The following MSR1 variants were observed in gnomAD, a reference collection of about 807,000 sequenced individuals.
The protein encoded by MSR1 is macrophage scavenger receptor types I and II.
Under a neutral mutation model 47.2 loss-of-function variants are expected in MSR1, and 53 were observed. That is an observed-to-expected ratio of 1.12 (90% CI 0.90 to 1.41). MSR1 has a LOEUF of 1.41. Among genes scored for constraint, MSR1 ranks in the 40% most tolerant of loss-of-function variants. MSR1 has a pLI of 0.00. For missense variants in MSR1, 786 were observed against 546.9 expected (o/e 1.44, Z -4.36); for synonymous variants, 239 against 185.6 (o/e 1.29, Z -2.34).
In MSR1 at chr8:16,155,064, C is replaced by G. The variant is rs1413217346; in HGVS notation, c.898G>C (p.Gly300Arg). Residue 300 changes from glycine to arginine, a missense_variant and splice_region_variant, in exon 6 of 10, where the codon GGT (glycine) becomes CGT (arginine). Physicochemically the swap from Gly to Arg is moderately radical, Grantham distance 125. Transcript: ENST00000262101. ...SGPRGFPGPI[G>R]PPGLKGDRGA... The stretch of plus-strand genomic sequence containing the variant: ...GATTAAATAGCTAAAATTACCATAC[C>G]TATTGGACCTGGAAATCCTCGTGGA... 6.2e-7 allele frequency: 1 copy of G among 1,609,854 alleles called. No individual in the cohort carries two copies. Among genetic ancestry groups the G allele is most frequent in the African/African-American group, 1.3e-5 (1 of 74,736 alleles).
At chr8:16,132,521 C>A (rs4498542) in intron 8 of MSR1, among the ~76,000 whole-genome samples, 1 of 151,640 alleles carries the variant, frequency 6.6e-6, no homozygotes, top group East Asian at 1.9e-4. Flanking sequence ...AGAGTCTCAC[C>A]CTGTCACCCA....
At chr8:16,181,700 A>T (rs1451982536) in intron 1 of MSR1, among the ~76,000 whole-genome samples, 1 of 151,926 alleles carries the variant, frequency 6.6e-6, no homozygotes, top group African/African-American at 2.4e-5. Flanking sequence ...CCTAATGTAA[A>T]TGATGGGTTG....
chr8:16,119,313 C>T (rs959617726), intron 9 of MSR1, among the ~76,000 whole-genome samples: 3 of 151,802 alleles, frequency 2.0e-5, no homozygotes, highest in Non-Finnish European at 4.4e-5. Context: ...GCAACCTCCA[C>T]CTCCTGGGTC....
intron 2 of MSR1, among the ~76,000 whole-genome samples, chr8:16,176,925 G>A (rs1040836454): frequency 2.0e-5 from 3 of 152,232 alleles, no homozygotes; most frequent in African/African-American, 4.8e-5. Flanking sequence ...CATATATGAG[G>A]CTTTAACTTT....
intron 1 of MSR1, among the ~76,000 whole-genome samples, chr8:16,180,843 T>G (rs435599): frequency 0.22 from 33,322 of 152,000 alleles, 4,749 homozygotes; most frequent in East Asian, 0.53. Flanking sequence ...AGAGTTGGTT[T>G]TCATGAATGC....
Position 16,150,261 on chromosome 8 carries a change from G to T in MSR1, c.949C>A (p.Arg317=), listed in dbSNP as rs769087591. 6.4e-7 allele frequency: 1 copy of T among 1,558,736 alleles called. No individual in the cohort carries two copies. The highest frequency in any genetic ancestry group is 8.7e-7 in the Non-Finnish European group (1 of 1,149,324). ...DRGAIGFPGS[R]GLPGYAGRPG... is the part of the protein sequence containing the mutation. ...CTTCCGGCATATCCTGGGAGTCCTC[G>T]ACTTCCAGGAAAGCCAATTGCTCCC... is the stretch of plus-strand genomic sequence containing the variant. The change falls in exon 7 of 10, where the codon CGA becomes AGA. Residue 317 remains arginine, a synonymous_variant. Transcript: ENST00000262101.
intron 9 of MSR1, among the ~76,000 whole-genome samples, chr8:16,115,457 C>G (rs1048019982): frequency 6.6e-6 from 1 of 152,034 alleles, no homozygotes; most frequent in African/African-American, 2.4e-5. Flanking sequence ...CCATAAAAAC[C>G]TCGTTTGCCA....
At chr8:16,174,587 T>A (rs1475016400) in intron 3 of MSR1, among the ~76,000 whole-genome samples, 1 of 152,190 alleles carries the variant, frequency 6.6e-6, no homozygotes, top group Non-Finnish European at 1.5e-5. Flanking sequence ...ATATTTTTTC[T>A]TTGAGAAGAT....
chr8:16,171,518 C>T (rs1439589155), intron 3 of MSR1, among the ~76,000 whole-genome samples: 2 of 152,070 alleles, frequency 1.3e-5, no homozygotes, highest in African/African-American at 4.8e-5. Flanking sequence ...TATCTCATCA[C>T]ATTTATTAAA....
chr8:16,186,068 G>C (rs931221657), intron 1 of MSR1: 1 of 1,125,156 alleles, frequency 8.9e-7, no homozygotes, highest in East Asian at 2.6e-5. Flanking sequence ...CTGTGTGGTA[G>C]AAGCAGAAAT....
chr8:16,168,365 G>A (rs1049937731), intron 4 of MSR1, 93 bp downstream of exon 4: 6 of 1,288,970 alleles, frequency 4.7e-6, no homozygotes, highest in Non-Finnish European at 5.6e-6. Flanking sequence ...ATGAAACAGG[G>A]TTTGCAACTT....
intron 1 of MSR1, among the ~76,000 whole-genome samples, chr8:16,181,108 CA>C (rs1443813798): frequency 6.6e-6 from 1 of 151,776 alleles, no homozygotes; most frequent in African/African-American, 2.4e-5. Context: ...AACAAATGAA[CA>C]AAAAAACCAA....
chr8:16,146,167 C>G (rs1483818319), intron 7 of MSR1, among the ~76,000 whole-genome samples: 1 of 151,950 alleles, frequency 6.6e-6, no homozygotes, highest in Non-Finnish European at 1.5e-5. Flanking sequence ...CCTTTCCATC[C>G]CCCGTTTCTT....
At position 16,108,840 on chromosome 8, in the gene MSR1, T is replaced by A. The variant is rs1438790448; in HGVS notation, c.*1245A>T. 1 of 152,146 alleles carries A rather than the reference T, an allele frequency of 6.6e-6. No homozygotes were observed. The highest frequency in any genetic ancestry group is 2.4e-5 in the African/African-American group (1 of 41,446). 9.4% of individuals were successfully genotyped at this position (152,146 alleles called of 1,614,324 possible). A position where few individuals can be genotyped will look rare whatever the true frequency, so the allele number is the denominator to read the frequency against. On this transcript the variant is annotated 3_prime_UTR_variant, in exon 10 of 10. Transcript: ENST00000262101. ...TCAGAATATGAAAAAATGCTTAAGC[T>A]TATGCTTTCATTTGCCACTATTAAA...
chr8:16,189,527 A>ATT (rs1802118808), intron 1 of MSR1, among the ~76,000 whole-genome samples: 1 of 95,972 alleles, frequency 1.0e-5, no homozygotes, highest in African/African-American at 5.4e-5. Context: ...AAAAAATCAT[A>ATT]TTTTATATAT....
Position 16,168,829 on chromosome 8 carries a change from A to C in MSR1, c.259T>G (p.Ser87Ala). 6.2e-7 allele frequency: 1 copy of C among 1,613,808 alleles called. No individual in the cohort carries two copies. Among genetic ancestry groups the C allele is most frequent in the Non-Finnish European group, 8.5e-7 (1 of 1,179,982 alleles). Residue 87 changes from serine (S) to alanine (A), a missense_variant, in exon 4 of 10, where the codon TCA becomes GCA. Coordinates refer to ENST00000262101, the MANE Select transcript of MSR1 (RefSeq NM_138715.3). ...KWETKNCSVS[S>A]TNANDITQSL... ...TGAGTTATATCATTTGCATTAGTTG[A>C]ACTAACTGAGCAATTCTTCGTTTCC...
intron 7 of MSR1, among the ~76,000 whole-genome samples, chr8:16,147,343 G>C (rs564162872): frequency 1.3e-5 from 2 of 152,154 alleles, no homozygotes; most frequent in East Asian, 3.9e-4. Flanking sequence ...ACCCTTACGA[G>C]CAGTGTGTAC....
chr8:16,185,864 C>T lies in MSR1; in HGVS notation c.-5+6734G>A, dbSNP rs142824859. 8.5e-3 allele frequency among the ~76,000 whole-genome samples: 1,240 copies of T among 146,144 alleles called. 14 individuals carry two copies. The highest frequency in any genetic ancestry group is 0.03 in the African/African-American group (1,192 of 39,812). ...TTTTCAGGAAAAAAAAAAAAAAACA[C>T]CACACACATAAACTTGAAAAACATG... On this transcript the variant is annotated intron_variant, in intron 1 of 9. Coordinates refer to ENST00000262101, the MANE Select transcript of MSR1 (RefSeq NM_138715.3).
At chr8:16,139,551 A>G (rs1800474118) in intron 8 of MSR1, 1 of 983,712 alleles carries the variant, frequency 1.0e-6, no homozygotes, top group Non-Finnish European at 1.2e-6. Flanking sequence ...GTGAAAATGT[A>G]GTCTGTTGAT....
Sources: gnomAD v4.1 joint callset for allele counts (sites outside exome capture counted in the v4.1 genomes callset) on GRCh38, gnomAD v4.1.1 for gene constraint, MANE v1.5 for transcripts, NCBI Gene and HGNC (gene_info 2026-07-23, HGNC 2026-07-21) for gene names.